Variants in IGFN1 observed in about 807,000 individuals in gnomAD.
The protein encoded by IGFN1 is immunoglobulin-like and fibronectin type III domain-containing protein 1.
Under a neutral mutation model 289.5 loss-of-function variants are expected in IGFN1, and 253 were observed. The observed-to-expected ratio is 0.87, with a 90% CI of 0.79 to 0.97. The LOEUF is 0.97. IGFN1 is among the 50% of genes least tolerant of loss of function. The probability of loss-of-function intolerance (pLI) is 0.00; values close to 1 mark genes in which losing one functional copy is unlikely to be tolerated. For missense variants in IGFN1, 4,470 were observed against 4,686.1 expected, an observed-to-expected ratio of 0.95 and a Z score of 1.35; for synonymous variants, 1,706 against 1,788.5, an observed-to-expected ratio of 0.95 and a Z score of 1.16.
At position 201,209,570 on chromosome 1, in the gene IGFN1, G is replaced by T; in HGVS notation, c.4677G>T (p.Gly1559=). Reference sequence around the variant, plus strand: ...GTTTAGGAGGTTCTGAAGAAATGGGGTCAGTGAATAAGGCAGGTTATAGGA... The same window carrying T: ...GTTTAGGAGGTTCTGAAGAAATGGGTTCAGTGAATAAGGCAGGTTATAGGA... The part of the protein sequence containing the change: ...TDGLGGSEEM[G]SVNKAGYRKD... The change falls in exon 12 of 24, where the codon GGG becomes GGT. Residue 1559 remains glycine, a synonymous_variant. Transcript: ENST00000335211. 6.5e-7 allele frequency: 1 copy of T among 1,526,942 alleles called. No individual in the cohort carries two copies. Among genetic ancestry groups the T allele is most frequent in the East Asian group, 2.5e-5 (1 of 39,684 alleles). The allele number at this position is 1,526,942 out of a possible 1,614,324, so 94.6% of individuals were successfully genotyped here. A position where few individuals can be genotyped will look rare whatever the true frequency, so the allele number is the denominator to read the frequency against.
In IGFN1 at chr1:201,211,867, G is replaced by C; in HGVS notation, c.6974G>C (p.Gly2325Ala). 6.5e-7 allele frequency: 1 copy of C among 1,534,084 alleles called. No individual in the cohort carries two copies. Among genetic ancestry groups the C allele is most frequent in the Non-Finnish European group, 8.7e-7 (1 of 1,145,114 alleles). Residue 2325 changes from glycine to alanine, a missense_variant, in exon 12 of 24, where the codon GGC (glycine) becomes GCC (alanine). Around this residue, in one of 8 missense-constraint regions of IGFN1, gnomAD observed 2,218 missense variants for 2,114.1 expected, o/e 1.05. Transcript: ENST00000335211. The stretch of plus-strand genomic sequence containing the variant: ...TGGAATGAGGCAGGTTCTAGGCAAG[G>C]CTTTGGGGGAACTAGTGGCATGGGG... ...LSWNEAGSRQ[G>A]FGGTSGMGSG...
At chr1:201,205,739 G>C (rs1288412629) in intron 11 of IGFN1, among the ~76,000 whole-genome samples, 1 of 152,218 alleles carries the variant, frequency 6.6e-6, no homozygotes, top group Non-Finnish European at 1.5e-5. Context: ...TAAGGCAGGT[G>C]GTTGAGCAAG....
At position 201,216,409 on chromosome 1, in the gene IGFN1, C is replaced by G. The variant is rs748269433; in HGVS notation, c.9296-45C>G. ...GGGGGTTGGCGCTGCTCCCCTCCAG[C>G]TCCTCTGACCCCTCCTCTTCCCGCT... On this transcript the variant is annotated intron_variant, in intron 15 of 23. Transcript: ENST00000335211. 8.2e-6 allele frequency: 12 copies of G among 1,472,346 alleles called. 1 individual carries two copies. The South Asian group carries it at 1.2e-4, about 15-fold the overall frequency. The allele number at this position is 1,472,346 out of a possible 1,614,324, so 91.2% of individuals were successfully genotyped here.
In IGFN1 at chr1:201,225,804, C is replaced by T. The variant is rs747560596; in HGVS notation, c.10487-20C>T. The stretch of plus-strand genomic sequence containing the variant: ...GCTGGGTCCCCTCCACGTGACCTCC[C>T]TCTGCCGTCTCTCCTGAAGCATGCC... On this transcript the variant is annotated intron_variant, in intron 21 of 23. Transcript: ENST00000335211. The T allele has an allele frequency of 2.1e-5, 34 of 1,595,530 alleles. No homozygotes were observed. The Middle Eastern group carries it at 1.0e-3, about 49-fold the overall frequency.
At position 201,209,246 on chromosome 1, in the gene IGFN1, A is replaced by T; in HGVS notation, c.4353A>T (p.Glu1451Asp). The change falls in exon 12 of 24, where the codon GAA becomes GAT. Residue 1451 changes from glutamate (E) to aspartate (D), a missense_variant. Around this residue, in one of 8 missense-constraint regions of IGFN1, gnomAD observed 2,011 missense variants for 1,953.4 expected, o/e 1.03. Transcript: ENST00000335211. ...GYRDGLRGSG[E>D]MRSMDEAGYR... ...GGGATGGCTTAAGGGGTTCTGGAGA[A>T]ATGAGGTCAATGGATGAGGCAGGTT... The T allele has an allele frequency of 6.7e-7, 1 of 1,484,036 alleles. No individual in the cohort carries two copies. The highest frequency in any genetic ancestry group is 1.4e-5 in the African/African-American group (1 of 70,028). 91.9% of individuals were successfully genotyped at this position (1,484,036 alleles called of 1,614,324 possible). A position where few individuals can be genotyped will look rare whatever the true frequency, so the allele number is the denominator to read the frequency against.
At chr1:201,228,061 C>G (rs1379629574) in intron 23 of IGFN1, among the ~76,000 whole-genome samples, 2 of 152,214 alleles carry the variant, frequency 1.3e-5, no homozygotes, top group Non-Finnish European at 2.9e-5. Context: ...GGAAAAACGG[C>G]CCCTTTGCAC....
Position 201,228,466 on chromosome 1 carries a change from G to A in IGFN1, c.*67G>A. On this transcript the variant is annotated 3_prime_UTR_variant, in exon 24 of 24. Transcript: ENST00000335211. Reference sequence around the variant, plus strand: ...ACTTCCGACACCTGCACTGGCCCGGGAAGCCAATCCCAAGGATGGAGGCTG... The same window carrying A: ...ACTTCCGACACCTGCACTGGCCCGGAAAGCCAATCCCAAGGATGGAGGCTG... 6.5e-7 allele frequency: 1 copy of A among 1,529,638 alleles called. No individual in the cohort carries two copies. Among genetic ancestry groups the A allele is most frequent in the East Asian group, 2.2e-5 (1 of 44,476 alleles). The allele number at this position is 1,529,638 out of a possible 1,614,324, so 94.8% of individuals were successfully genotyped here.
In IGFN1 at chr1:201,207,633, C is replaced by A; in HGVS notation, c.2740C>A (p.Pro914Thr). The change falls in exon 12 of 24, where the codon CCT becomes ACT. Residue 914 changes from proline (P) to threonine (T), a missense_variant. Around this residue, in one of 8 missense-constraint regions of IGFN1, gnomAD observed 2,011 missense variants for 1,953.4 expected, o/e 1.03. Coordinates refer to ENST00000335211, the MANE Select transcript of IGFN1 (RefSeq NM_001164586.2). ...TLGDKKGLRG[P>T]GSIGSEPDFW... is the part of the protein sequence containing the mutation. Reference sequence around the variant, plus strand: ...AGGAGATAAGAAAGGATTAAGAGGTCCTGGGTCAATAGGGTCTGAACCAGA... The same window carrying A: ...AGGAGATAAGAAAGGATTAAGAGGTACTGGGTCAATAGGGTCTGAACCAGA... 6.5e-7 allele frequency: 1 copy of A among 1,536,942 alleles called. No homozygotes were observed. The highest frequency in any genetic ancestry group is 1.2e-5 in the South Asian group (1 of 84,042).
intron 10 of IGFN1, among the ~76,000 whole-genome samples, chr1:201,204,830 A>G (rs184463517): frequency 1.3e-5 from 2 of 152,196 alleles, no homozygotes; most frequent in South Asian, 2.1e-4. Context: ...CCTTGTCCCT[A>G]AATATAACTT....
intron 5 of IGFN1, among the ~76,000 whole-genome samples, chr1:201,198,266 G>T (rs145927246): frequency 6.6e-6 from 1 of 152,202 alleles, no homozygotes; most frequent in African/African-American, 2.4e-5. Context: ...CTCCTGAGTA[G>T]CTGGGATTAC....
chr1:201,224,110 C>T (rs1412360943), intron 20 of IGFN1, among the ~76,000 whole-genome samples: 3 of 152,176 alleles, frequency 2.0e-5, no homozygotes, highest in African/African-American at 4.8e-5. Context: ...CTGAGGGCCC[C>T]GTAGGGAGTT....
intron 10 of IGFN1, 108 bp from the exon 11 acceptor site, chr1:201,204,974 G>T (rs1020816289): frequency 8.8e-7 from 1 of 1,134,830 alleles, no homozygotes. Flanking sequence ...TGGGGAGTTT[G>T]TGGCTGAGCT....
intron 5 of IGFN1, among the ~76,000 whole-genome samples, chr1:201,198,676 C>G (rs925148976): frequency 2.0e-5 from 3 of 152,154 alleles, no homozygotes; most frequent in Non-Finnish European, 4.4e-5. Context: ...ATCCTCCCCC[C>G]TCGGCCTCCC....
intron 7 of IGFN1, among the ~76,000 whole-genome samples, chr1:201,199,903 A>C (rs868282599): frequency 1.3e-5 from 2 of 151,934 alleles, no homozygotes; most frequent in Non-Finnish European, 2.9e-5. Flanking sequence ...TCATTTGCAA[A>C]ATGTGGTGGT....
At chr1:201,226,148 G>A in intron 22 of IGFN1, 25 bp downstream of exon 22, 2 of 1,555,106 alleles carry the variant, frequency 1.3e-6, no homozygotes, top group Non-Finnish European at 8.7e-7. Context: ...AGAGGGAGGA[G>A]CAGGCAGGGT....
intron 15 of IGFN1, chr1:201,216,243 G>A: frequency 1.7e-6 from 1 of 601,804 alleles, no homozygotes; most frequent in Non-Finnish European, 3.0e-6. Context: ...GGGTGCATGT[G>A]TGTGTTGGGG....
chr1:201,208,455 C>T lies in IGFN1; in HGVS notation c.3562C>T (p.His1188Tyr), dbSNP rs1667544184. 6.9e-7 allele frequency: 1 copy of T among 1,445,562 alleles called. No individual in the cohort carries two copies. The highest frequency in any genetic ancestry group is 9.0e-7 in the Non-Finnish European group (1 of 1,106,234). The allele number at this position is 1,445,562 out of a possible 1,614,324, so 89.5% of individuals were successfully genotyped here. The part of the protein sequence containing the change: ...AGAGYRDDTR[H>Y]PESLAPHNGA... ...AGCTGGTTATAGGGATGATACCAGG[C>T]ACCCTGAGTCACTCGCACCTCACAA... The change falls in exon 12 of 24, where the codon CAC (histidine) becomes TAC (tyrosine). Residue 1188 changes from histidine to tyrosine, a missense_variant. Coordinates refer to ENST00000335211, the MANE Select transcript of IGFN1 (RefSeq NM_001164586.2).
chr1:201,228,388 C>A lies in IGFN1; in HGVS notation c.11116C>A (p.Pro3706Thr). ...VSTATLIVIE[P>T]ST ...CTGGAATATCCTGTGTCTTGCAGAACCCAGCACCTAGCCTCACCTCACCCT... is the reference window on the plus strand; with the variant it reads ...CTGGAATATCCTGTGTCTTGCAGAAACCAGCACCTAGCCTCACCTCACCCT... The change falls in exon 24 of 24, where the codon CCC (proline) becomes ACC (threonine). Residue 3706 changes from proline to threonine, a missense_variant and splice_region_variant. Coordinates refer to ENST00000335211, the MANE Select transcript of IGFN1 (RefSeq NM_001164586.2). The A allele has an allele frequency of 6.2e-7, 1 of 1,613,998 alleles. No homozygotes were observed. Among genetic ancestry groups the A allele is most frequent in the South Asian group, 1.1e-5 (1 of 91,078 alleles).
Position 201,214,272 on chromosome 1 carries a change from C to G in IGFN1, c.8824C>G (p.Pro2942Ala), listed in dbSNP as rs1273715674. 6.2e-7 allele frequency: 1 copy of G among 1,612,848 alleles called. No individual in the cohort carries two copies. Among genetic ancestry groups the G allele is most frequent in the Non-Finnish European group, 8.5e-7 (1 of 1,179,164 alleles). Residue 2942 changes from proline to alanine, a missense_variant, in exon 13 of 24, where the codon CCT (proline) becomes GCT (alanine). Physicochemically the swap from Pro to Ala is conservative, Grantham distance 27. This residue lies in a region of IGFN1 where 2,218 missense variants were observed against 2,114.1 expected (regional missense o/e 1.05). Coordinates refer to ENST00000335211, the MANE Select transcript of IGFN1 (RefSeq NM_001164586.2). ...CTGTACCCTCACCAGTGACCTGGGA[C>G]CTGGCACCTGGTTTAAGGATGGCGT... Reference protein sequence around the residue: ...LSCTLTSDLGPGTWFKDGVKL... With the variant: ...LSCTLTSDLGAGTWFKDGVKL...
Sources: allele counts gnomAD v4.1 joint callset (sites outside exome capture counted in the v4.1 genomes callset), GRCh38; gene constraint gnomAD v4.1.1; regional missense constraint gnomAD v4.1.1; transcripts MANE v1.5; gene names NCBI Gene and HGNC (gene_info 2026-07-23, HGNC 2026-07-21).